The following PCDHGB2 variants were observed in gnomAD, a reference collection of about 807,000 sequenced individuals.
PCDHGB2 encodes the protein protocadherin gamma-B2.
Under a neutral mutation model 59.3 loss-of-function variants are expected in PCDHGB2, and 55 were observed. The ratio of observed to expected loss-of-function variants is 0.93; its 90% confidence interval spans 0.75 to 1.16. The LOEUF is 1.16. Among genes scored for constraint, PCDHGB2 ranks in the 50% most tolerant of loss-of-function variants. The pLI is 0.00. For missense variants in PCDHGB2, 1,228 were observed against 1,198.5 expected (o/e 1.02, Z -0.36); for synonymous variants, 516 against 512.0 (o/e 1.01, Z -0.11).
At position 141,362,218 on chromosome 5, in the gene PCDHGB2, G is replaced by T; in HGVS notation, c.2083G>T (p.Ala695Ser). 6.2e-7 allele frequency: 1 copy of T among 1,614,032 alleles called. No homozygotes were observed. The highest frequency in any genetic ancestry group is 1.1e-5 in the South Asian group (1 of 91,080). The change falls in exon 1 of 4, where the codon GCC becomes TCC. Residue 695 changes from alanine (A) to serine (S), a missense_variant. Physicochemically the swap from Ala to Ser is moderately conservative, Grantham distance 99 (BLOSUM62 1). Coordinates refer to ENST00000522605, the MANE Select transcript of PCDHGB2 (RefSeq NM_018923.3). The part of the protein sequence containing the change: ...QAKLQFYLVV[A>S]LALISVLFFL... Reference sequence around the variant, plus strand: ...AAAACTGCAGTTTTACCTGGTTGTGGCCTTGGCCTTGATCTCAGTGCTCTT... The same window carrying T: ...AAAACTGCAGTTTTACCTGGTTGTGTCCTTGGCCTTGATCTCAGTGCTCTT...
Position 141,486,178 on chromosome 5 carries a change from C to T in PCDHGB2, c.2422-8629C>T, listed in dbSNP as rs767840363. The T allele has an allele frequency of 1.1e-5, 17 of 1,614,076 alleles. No homozygotes were observed. The highest frequency in any genetic ancestry group is 1.4e-5 in the Non-Finnish European group (16 of 1,180,038). ...CTCCAGCCATGGAGCAACATTGCAG[C>T]CTTCGAGTGGATCTGCTGGACGTAA... On this transcript the variant is annotated intron_variant, in intron 1 of 3. Coordinates refer to ENST00000522605, the MANE Select transcript of PCDHGB2 (RefSeq NM_018923.3). The surrounding 1 kb of genome is among the most constrained non-coding windows in gnomAD (Gnocchi z 5.0).
intron 1 of PCDHGB2, among the ~76,000 whole-genome samples, chr5:141,455,028 G>A (rs2098810519): frequency 6.6e-6 from 1 of 150,780 alleles, no homozygotes; most frequent in Non-Finnish European, 1.5e-5. Flanking sequence ...TAGCCAGGAT[G>A]GTCTCGATCT....
intron 1 of PCDHGB2, chr5:141,410,854 T>C: frequency 2.6e-6 from 1 of 387,418 alleles, no homozygotes; most frequent in Non-Finnish European, 4.2e-6. Flanking sequence ...TTTGTCTTTT[T>C]TTTTTTTTTT....
intron 1 of PCDHGB2, chr5:141,364,361 G>A (rs1763280046): frequency 1.3e-6 from 2 of 1,559,560 alleles, no homozygotes; most frequent in Middle Eastern, 1.7e-4. Context: ...CTGGGGCTGC[G>A]GAGAGCTGCT....
chr5:141,487,633 T>C lies in PCDHGB2; in HGVS notation c.2422-7174T>C. On this transcript the variant is annotated intron_variant, in intron 1 of 3. Transcript: ENST00000522605. The surrounding 1 kb of genome is among the most constrained non-coding windows in gnomAD (Gnocchi z 5.0). ...GGCTAGAGGTGAGACCTTTGCAGGCTCAACAAATGCTTGAGGGTTATTCTG... is the reference window on the plus strand; with the variant it reads ...GGCTAGAGGTGAGACCTTTGCAGGCCCAACAAATGCTTGAGGGTTATTCTG... 3 of 1,614,164 alleles carry C rather than the reference T, an allele frequency of 1.9e-6. No individual in the cohort carries two copies. The highest frequency in any genetic ancestry group is 2.7e-5 in the African/African-American group (2 of 75,052).
In PCDHGB2 at chr5:141,364,854, A is replaced by G. The variant is rs142073719; in HGVS notation, c.2421+2298A>G. The G allele has an allele frequency of 1.4e-3, 2,225 of 1,614,018 alleles. 3 individuals carry two copies. Among genetic ancestry groups the G allele is most frequent in the Non-Finnish European group, 1.7e-3 (2,042 of 1,179,888 alleles). ...CTCCGGAGTTACCAGCTCAGCTCCA[A>G]TCTGCACTTCTCTCTGGATGTGGTA... On this transcript the variant is annotated intron_variant, in intron 1 of 3. Transcript: ENST00000522605.
intron 1 of PCDHGB2, chr5:141,371,621 C>T: frequency 6.2e-7 from 1 of 1,613,986 alleles, no homozygotes; most frequent in Middle Eastern, 1.6e-4. Flanking sequence ...CAGATGGAGC[C>T]CTGGACCGGG....
In PCDHGB2 at chr5:141,486,661, G is replaced by T. The variant is rs373446844; in HGVS notation, c.2422-8146G>T. ...CGCTTATCTCCTACTCACTCCTGGA[G>T]CCCAGGAATCGAGATGTATCAGCTT... is the stretch of plus-strand genomic sequence containing the variant. On this transcript the variant is annotated intron_variant, in intron 1 of 3. Transcript: ENST00000522605. The surrounding 1 kb of genome is among the most constrained non-coding windows in gnomAD (Gnocchi z 5.0). 6.2e-6 allele frequency: 10 copies of T among 1,613,836 alleles called. No individual in the cohort carries two copies. Among genetic ancestry groups the T allele is most frequent in the African/African-American group, 4.0e-5 (3 of 74,918 alleles).
intron 1 of PCDHGB2, chr5:141,423,721 T>C (rs2096769391): frequency 8.3e-7 from 1 of 1,208,140 alleles, no homozygotes; most frequent in East Asian, 3.8e-5. Flanking sequence ...TTTAAGGAGA[T>C]GTTTTTTGAG....
intron 1 of PCDHGB2, among the ~76,000 whole-genome samples, chr5:141,465,094 G>GT (rs138941665): frequency 0.11 from 15,577 of 148,094 alleles, 909 homozygotes; most frequent in African/African-American, 0.15. Flanking sequence ...TTTTCTAGTA[G>GT]TTTTTTTTTT....
At chr5:141,418,185 T>C in intron 1 of PCDHGB2, 1 of 1,614,058 alleles carries the variant, frequency 6.2e-7, no homozygotes, top group Non-Finnish European at 8.5e-7. Flanking sequence ...TTGGAAGCTG[T>C]GGTGGAAAAT....
At chr5:141,497,741 G>A (rs767561907) in intron 2 of PCDHGB2, among the ~76,000 whole-genome samples, 24 of 152,050 alleles carry the variant, frequency 1.6e-4, no homozygotes, top group Non-Finnish European at 2.6e-4. Context: ...GTTTCGCCAC[G>A]TTGGCCAGGC....
intron 2 of PCDHGB2, 142 bp downstream of exon 2, chr5:141,495,007 G>C (rs2099758216): frequency 2.0e-6 from 3 of 1,522,276 alleles, no homozygotes; most frequent in Non-Finnish European, 8.8e-7. Flanking sequence ...TTGGTGTGCG[G>C]GGGGCTGGCA....
intron 1 of PCDHGB2, chr5:141,364,262 C>T (rs899975548): frequency 1.3e-6 from 2 of 1,504,074 alleles, no homozygotes; most frequent in African/African-American, 1.4e-5. Context: ...ATGTACCCAT[C>T]GGCTTTAGAT....
chr5:141,432,974 C>T lies in PCDHGB2; in HGVS notation c.2422-61833C>T. ...CGGCTTGACAGGAGCGCCGGCGTCG[C>T]ACTTTGTGGGCGTGGACGGGGTGCA... On this transcript the variant is annotated intron_variant, in intron 1 of 3. Coordinates refer to ENST00000522605, the MANE Select transcript of PCDHGB2 (RefSeq NM_018923.3). This position sits in a 1 kb window ranked among gnomAD's most constrained non-coding sequence, Gnocchi z 6.0. 6.2e-7 allele frequency: 1 copy of T among 1,614,204 alleles called. No individual in the cohort carries two copies. Among genetic ancestry groups the T allele is most frequent in the Non-Finnish European group, 8.5e-7 (1 of 1,180,030 alleles).
chr5:141,398,557 G>A, intron 1 of PCDHGB2: 1 of 1,613,916 alleles, frequency 6.2e-7, no homozygotes. Flanking sequence ...GCAAATAAGT[G>A]AGTCTGCACA....
rs1025148587 is a variant in PCDHGB2, at chr5:141,431,434, C to T, written c.2422-63373C>T. ...GGGGCGACCCGGTGCGCACAGGCAC[C>T]GCGCGCATCCGCGTGATGGTTCTGG... On this transcript the variant is annotated intron_variant, in intron 1 of 3. Transcript: ENST00000522605. This position sits in a 1 kb window ranked among gnomAD's most constrained non-coding sequence, Gnocchi z 4.8. The T allele has an allele frequency of 6.2e-7, 1 of 1,613,690 alleles. No homozygotes were observed. The highest frequency in any genetic ancestry group is 1.3e-5 in the African/African-American group (1 of 75,072).
intron 1 of PCDHGB2, among the ~76,000 whole-genome samples, chr5:141,400,951 C>A (rs991607511): frequency 6.6e-6 from 1 of 152,174 alleles, no homozygotes; most frequent in Non-Finnish European, 1.5e-5. Flanking sequence ...ACTGATTTCA[C>A]TGGTAGTTTT....
intron 1 of PCDHGB2, chr5:141,404,186 C>A (rs767632448): frequency 1.2e-6 from 2 of 1,612,966 alleles, no homozygotes; most frequent in Middle Eastern, 1.6e-4. Flanking sequence ...AATTCTTGAC[C>A]GAGAAAAAGC....
Sources: allele counts gnomAD v4.1 joint callset (sites outside exome capture counted in the v4.1 genomes callset), GRCh38; gene constraint gnomAD v4.1.1; non-coding constraint Gnocchi (gnomAD v3.1); transcripts MANE v1.5; gene names NCBI Gene and HGNC (gene_info 2026-07-23, HGNC 2026-07-21).